ALK: variants seen among roughly 807,000 people sequenced by gnomAD.
ALK encodes the protein ALK receptor tyrosine kinase.
ALK carries 74 observed loss-of-function variants against 163.1 expected under a neutral mutation model. The ratio of observed to expected loss-of-function variants is 0.45; its 90% CI spans 0.38 to 0.55. The LOEUF is 0.55. Among genes scored for constraint, ALK ranks in the 20% least tolerant of loss-of-function variants. ALK has a pLI of 0.00. For missense variants in ALK, 2,063 were observed against 2,105.3 expected, an observed-to-expected ratio of 0.98 and a Z score of 0.39; for synonymous variants, 960 against 843.2, an observed-to-expected ratio of 1.14 and a Z score of -2.40.
intron 1 of ALK, among the ~76,000 whole-genome samples, chr2:29,859,795 T>A (rs998679939): frequency 6.6e-6 from 1 of 152,156 alleles, no homozygotes; most frequent in African/African-American, 2.4e-5. Context: ...GAAAGACTTC[T>A]TCTAGGAGGA....
chr2:29,555,981 A>G (rs1195438849), intron 3 of ALK, among the ~76,000 whole-genome samples: 1 of 152,212 alleles, frequency 6.6e-6, no homozygotes, highest in Non-Finnish European at 1.5e-5. Flanking sequence ...AAACAATCTA[A>G]AATGCCAGGC....
intron 3 of ALK, among the ~76,000 whole-genome samples, chr2:29,598,533 T>G (rs1472911806): frequency 1.3e-5 from 2 of 152,184 alleles, no homozygotes; most frequent in African/African-American, 4.8e-5. Flanking sequence ...CTTCACAGTC[T>G]TGCAAGTAGG....
At chr2:29,866,565 C>G (rs1666439016) in intron 1 of ALK, among the ~76,000 whole-genome samples, 1 of 152,142 alleles carries the variant, frequency 6.6e-6, no homozygotes, top group African/African-American at 2.4e-5. Context: ...TAATAAGGAG[C>G]CTAAACTCCA....
chr2:29,671,598 T>C (rs369942485), intron 3 of ALK, among the ~76,000 whole-genome samples: 29 of 152,150 alleles, frequency 1.9e-4, no homozygotes, highest in African/African-American at 6.3e-4. Flanking sequence ...AGTGTAGAAA[T>C]TGTGAATGAG....
At chr2:29,869,325 C>T (rs1024536072) in intron 1 of ALK, among the ~76,000 whole-genome samples, 6 of 152,168 alleles carry the variant, frequency 3.9e-5, no homozygotes, top group Admixed American at 3.9e-4. Flanking sequence ...TATATACCTT[C>T]CTTAGGCATC....
intron 5 of ALK, among the ~76,000 whole-genome samples, chr2:29,337,435 T>G (rs1667650494): frequency 1.3e-5 from 2 of 152,178 alleles, no homozygotes; most frequent in Non-Finnish European, 2.9e-5. Flanking sequence ...AGTTTCCTTG[T>G]TTGTAAACCC....
At chr2:29,702,084 T>C (rs1446490127) in intron 2 of ALK, among the ~76,000 whole-genome samples, 1 of 151,908 alleles carries the variant, frequency 6.6e-6, no homozygotes, top group Non-Finnish European at 1.5e-5. Context: ...ACTCTGAAAG[T>C]ATCACCTAAA....
chr2:29,478,247 G>C (rs1248143243), intron 4 of ALK, among the ~76,000 whole-genome samples: 2 of 152,190 alleles, frequency 1.3e-5, no homozygotes, highest in Non-Finnish European at 2.9e-5. Context: ...TCATCTCTAG[G>C]GGGAGGACAA....
At chr2:29,767,104 T>C (rs927147186) in intron 1 of ALK, among the ~76,000 whole-genome samples, 1 of 152,238 alleles carries the variant, frequency 6.6e-6, no homozygotes, top group Non-Finnish European at 1.5e-5. Flanking sequence ...TAACTTTTAA[T>C]AGGACCTACT....
Position 29,747,300 on chromosome 2 carries a change from C to T in ALK, c.668-29603G>A, listed in dbSNP as rs975534556. On this transcript the variant is annotated intron_variant, in intron 1 of 28. Transcript: ENST00000389048. The stretch of plus-strand genomic sequence containing the variant: ...TACAAACTTATCTTTGAAACAGGTG[C>T]TCTTAAGAAAGATCATTTTCATATT... 3.3e-5 allele frequency among the ~76,000 whole-genome samples: 5 copies of T among 152,162 alleles called. No individual in the cohort carries two copies. The South Asian group carries it at 1.0e-3, about 32-fold the overall frequency.
chr2:29,374,167 G>A (rs1347979538), intron 5 of ALK, among the ~76,000 whole-genome samples: 1 of 152,212 alleles, frequency 6.6e-6, no homozygotes, highest in Non-Finnish European at 1.5e-5. Flanking sequence ...TTAGTCAAGG[G>A]ATGCCAGAGA....
intron 3 of ALK, among the ~76,000 whole-genome samples, chr2:29,639,473 C>T (rs1676638570): frequency 6.6e-6 from 1 of 152,172 alleles, no homozygotes; most frequent in South Asian, 2.1e-4. Context: ...CTCCTTGCCA[C>T]ATTCCACTAA....
At chr2:29,438,179 A>G (rs773542922) in intron 4 of ALK, among the ~76,000 whole-genome samples, 1 of 152,176 alleles carries the variant, frequency 6.6e-6, no homozygotes, top group African/African-American at 2.4e-5. Flanking sequence ...TTCAATCTTC[A>G]TAACACCACC....
chr2:29,894,199 T>C (rs1035817266), intron 1 of ALK, among the ~76,000 whole-genome samples: 1 of 152,214 alleles, frequency 6.6e-6, no homozygotes, highest in Non-Finnish European at 1.5e-5. Context: ...GGGCCATGTC[T>C]GTTTCCTTCA....
At chr2:29,228,718 C>T (rs1188137471) in intron 16 of ALK, among the ~76,000 whole-genome samples, 166 bp downstream of exon 16, 2 of 149,598 alleles carry the variant, frequency 1.3e-5, no homozygotes, top group Non-Finnish European at 3.0e-5. Context: ...CGAAAGCCAG[C>T]ACCCTGCCTC....
intron 4 of ALK, among the ~76,000 whole-genome samples, chr2:29,510,137 G>C (rs771251283): frequency 1.3e-5 from 2 of 152,154 alleles, no homozygotes; most frequent in Non-Finnish European, 2.9e-5. Context: ...GAAGTAAAAA[G>C]GCTGCTGGGT....
At chr2:29,880,443 G>T (rs1307009660) in intron 1 of ALK, among the ~76,000 whole-genome samples, 1 of 152,136 alleles carries the variant, frequency 6.6e-6, no homozygotes, top group African/African-American at 2.4e-5. Flanking sequence ...ATGTTGGGGG[G>T]TCACAGATCC....
intron 1 of ALK, among the ~76,000 whole-genome samples, chr2:29,747,457 A>G (rs1217345798): frequency 6.6e-6 from 1 of 152,238 alleles, no homozygotes; most frequent in Non-Finnish European, 1.5e-5. Flanking sequence ...TTGAGTTACC[A>G]TCAGGATACA....
At chr2:29,292,092 A>G (rs1374939170) in intron 9 of ALK, among the ~76,000 whole-genome samples, 8 of 152,252 alleles carry the variant, frequency 5.3e-5, no homozygotes, top group African/African-American at 1.9e-4. Context: ...CAAAGGGAAC[A>G]GGAAATCTAA....
Sources: gnomAD v4.1 joint callset for allele counts (sites outside exome capture counted in the v4.1 genomes callset) on GRCh38, gnomAD v4.1.1 for gene constraint, MANE v1.5 for transcripts, NCBI Gene and HGNC (gene_info 2026-07-23, HGNC 2026-07-21) for gene names.